The following MINDY4B variants were observed in gnomAD, a reference collection of about 807,000 sequenced individuals.
The protein encoded by MINDY4B is inactive ubiquitin carboxyl-terminal hydrolase MINDY-4B.
Under a neutral mutation model 16.7 loss-of-function variants are expected in MINDY4B, and 25 were observed. The observed-to-expected ratio is 1.49, with a 90% confidence interval of 1.09 to 2.09. The LOEUF is 2.09. Among genes scored for constraint, MINDY4B ranks in the 30% most tolerant of loss-of-function variants. The pLI, the probability that MINDY4B is intolerant of heterozygous loss-of-function variation, is 0.00. For synonymous variants in MINDY4B, 132 were observed against 61.9 expected, an observed-to-expected ratio of 2.13 and a Z score of -5.32; for missense variants, 327 against 168.4, an observed-to-expected ratio of 1.94 and a Z score of -5.21.
chr3:150,880,463 A>T (rs1711513562), intron 10 of MINDY4B, among the ~76,000 whole-genome samples: 1 of 152,250 alleles, frequency 6.6e-6, no homozygotes, highest in African/African-American at 2.4e-5. Context: ...TGTTTAATTA[A>T]ATATGTATTA....
chr3:150,884,854 T>G (rs28412325), intron 8 of MINDY4B, among the ~76,000 whole-genome samples: 2,221 of 152,264 alleles, frequency 0.015, 25 homozygotes, highest in Non-Finnish European at 0.024. Context: ...CTCATTCTCT[T>G]TACATCTCAT....
chr3:150,873,761 A>C (rs1383172228), intron 10 of MINDY4B, among the ~76,000 whole-genome samples: 1 of 152,220 alleles, frequency 6.6e-6, no homozygotes, highest in African/African-American at 2.4e-5. Context: ...TCCCATTCCC[A>C]AGATAAGGCA....
chr3:150,892,176 A>G (rs1711832704), intron 5 of MINDY4B, among the ~76,000 whole-genome samples: 1 of 152,222 alleles, frequency 6.6e-6, no homozygotes, highest in South Asian at 2.1e-4. Flanking sequence ...GCCCACAGCC[A>G]GTGCCTCATT....
intron 10 of MINDY4B, among the ~76,000 whole-genome samples, chr3:150,881,785 A>G (rs2107898904): frequency 6.6e-6 from 1 of 152,354 alleles, no homozygotes; most frequent in South Asian, 2.1e-4. Flanking sequence ...AACTCAAGGA[A>G]TAACATGCAA....
chr3:150,889,357 G>A (rs987865567), intron 7 of MINDY4B, among the ~76,000 whole-genome samples: 1 of 152,198 alleles, frequency 6.6e-6, no homozygotes, highest in Non-Finnish European at 1.5e-5. Flanking sequence ...ATCCAAGCCC[G>A]CAAGGGCAGG....
chr3:150,887,759 A>G (rs1372023953), intron 7 of MINDY4B, among the ~76,000 whole-genome samples: 2 of 152,378 alleles, frequency 1.3e-5, no homozygotes, highest in East Asian at 3.9e-4. Flanking sequence ...GGTTAAAACA[A>G]TAGGAATGTA....
intron 3 of MINDY4B, among the ~76,000 whole-genome samples, chr3:150,899,708 G>A (rs1275478552): frequency 6.6e-6 from 1 of 152,168 alleles, no homozygotes; most frequent in East Asian, 1.9e-4. Context: ...GTAGGTCGGA[G>A]AAGAGTGGAC....
chr3:150,876,434 T>C (rs921098498), intron 10 of MINDY4B, among the ~76,000 whole-genome samples: 2 of 152,238 alleles, frequency 1.3e-5, no homozygotes, highest in Non-Finnish European at 2.9e-5. Flanking sequence ...TGAAACGTTG[T>C]GCTTTCTTCA....
At chr3:150,874,128 G>A (rs1375845136) in intron 10 of MINDY4B, among the ~76,000 whole-genome samples, 3 of 145,640 alleles carry the variant, frequency 2.1e-5, no homozygotes, top group African/African-American at 5.1e-5. Context: ...TGATCCTCCC[G>A]CCTCAGCCCC....
intron 3 of MINDY4B, among the ~76,000 whole-genome samples, chr3:150,900,116 C>T (rs1316086036): frequency 6.6e-6 from 1 of 152,172 alleles, no homozygotes; most frequent in Non-Finnish European, 1.5e-5. Flanking sequence ...CGATGCTCAC[C>T]TTTCCCACGA....
intron 7 of MINDY4B, among the ~76,000 whole-genome samples, chr3:150,886,962 C>G (rs1559966406): frequency 1.3e-5 from 2 of 152,176 alleles, no homozygotes; most frequent in Non-Finnish European, 2.9e-5. Context: ...ATGCCTGAAA[C>G]TACAGATAGT....
chr3:150,886,004 C>G (rs146210488), intron 7 of MINDY4B, among the ~76,000 whole-genome samples: 113 of 152,306 alleles, frequency 7.4e-4, no homozygotes, highest in African/African-American at 2.6e-3. Flanking sequence ...TTATTTGAAC[C>G]TTCCTTGGTT....
intron 2 of MINDY4B, among the ~76,000 whole-genome samples, chr3:150,904,609 A>G (rs897609374): frequency 2.6e-5 from 4 of 152,194 alleles, no homozygotes; most frequent in African/African-American, 9.6e-5. Flanking sequence ...ATTGTATATC[A>G]GATTTTAAAA....
At chr3:150,894,715 A>C (rs1195946320) in intron 3 of MINDY4B, among the ~76,000 whole-genome samples, 1 of 152,156 alleles carries the variant, frequency 6.6e-6, no homozygotes, top group Non-Finnish European at 1.5e-5. Flanking sequence ...AGGGTCTTTG[A>C]GGTTTTCCTA....
chr3:150,877,014 G>T (rs1711497562), intron 10 of MINDY4B, among the ~76,000 whole-genome samples: 1 of 151,066 alleles, frequency 6.6e-6, no homozygotes, highest in African/African-American at 2.5e-5. Context: ...GGTGGGCTCT[G>T]GGGGGCTTGT....
chr3:150,896,231 T>C (rs1238384324), intron 3 of MINDY4B, among the ~76,000 whole-genome samples: 3 of 152,190 alleles, frequency 2.0e-5, no homozygotes, highest in Admixed American at 6.5e-5. Context: ...TTGATTGTTT[T>C]TTATTTATGT....
chr3:150,874,005 A>ATTTTT lies in MINDY4B; in HGVS notation c.1060-643_1060-639dup, dbSNP rs558319330. 2.2e-4 allele frequency among the ~76,000 whole-genome samples: 18 copies of ATTTTT among 81,992 alleles called. 2 individuals are homozygous for ATTTTT. Among genetic ancestry groups the ATTTTT allele is most frequent in the African/African-American group, 8.0e-4 (17 of 21,304 alleles). The allele number at this position is 81,992 out of a possible 152,430, so 53.8% of individuals were successfully genotyped here. A position where few individuals can be genotyped will look rare whatever the true frequency, so the allele number is the denominator to read the frequency against. ...GTACTTGTCAATCAATTTAGCCTTG[A>ATTTTT]TTTTTTTTTTTTTTTTTTTTTTTTT... is the stretch of plus-strand genomic sequence containing the variant. On this transcript the variant is annotated intron_variant, in intron 10 of 11. Coordinates refer to ENST00000465419, the MANE Select transcript of MINDY4B (RefSeq NM_001351281.2).
In MINDY4B at chr3:150,890,995, A is replaced by T. The variant is rs1265523260; in HGVS notation, c.630T>A (p.Thr210=). 5 of 702,888 alleles carry T rather than the reference A, an allele frequency of 7.1e-6. No homozygotes were observed. The South Asian group carries it at 7.4e-5, about 10-fold the overall frequency. 43.5% of individuals were successfully genotyped at this position (702,888 alleles called of 1,614,324 possible). A position where few individuals can be genotyped will look rare whatever the true frequency, so the allele number is the denominator to read the frequency against. Residue 210 remains threonine (T), a synonymous_variant, in exon 6 of 12, where the codon ACT becomes ACA. Transcript: ENST00000465419. ...GAGTCGACGCAACGTAAATGTCCTC[A>T]GTGACAAGACAGATGGTGGCCTTCT... ...AAQKATICLV[T]EDIYVASTPD...
At chr3:150,881,028 G>C (rs1711517385) in intron 10 of MINDY4B, among the ~76,000 whole-genome samples, 1 of 152,178 alleles carries the variant, frequency 6.6e-6, no homozygotes, top group African/African-American at 2.4e-5. Flanking sequence ...ACAATTCTCT[G>C]TCCAGGCTGT....
Sources: gnomAD v4.1 joint callset for allele counts (sites outside exome capture counted in the v4.1 genomes callset) on GRCh38, gnomAD v4.1.1 for gene constraint, MANE v1.5 for transcripts, NCBI Gene and HGNC (gene_info 2026-07-23, HGNC 2026-07-21) for gene names.